The following B3GLCT variants were observed in gnomAD, a reference collection of about 807,000 sequenced individuals.
The protein encoded by B3GLCT is beta-1,3-glucosyltransferase.
A neutral mutation model predicts 63.4 loss-of-function variants in B3GLCT; 65 were observed. The observed-to-expected ratio is 1.03, with a 90% CI of 0.84 to 1.26. The LOEUF is 1.26. Among genes scored for constraint, B3GLCT ranks in the 50% most tolerant of loss-of-function variants. The pLI, the probability that B3GLCT is intolerant of heterozygous loss-of-function variation, is 0.00. For synonymous variants in B3GLCT, 233 were observed against 219.2 expected, an observed-to-expected ratio of 1.06 and a Z score of -0.55; for missense variants, 577 against 604.8, an observed-to-expected ratio of 0.95 and a Z score of 0.48.
chr13:31,227,873 C>G (rs1870178976), intron 3 of B3GLCT, among the ~76,000 whole-genome samples: 1 of 152,236 alleles, frequency 6.6e-6, no homozygotes, highest in African/African-American at 2.4e-5. Flanking sequence ...GACAATCTGG[C>G]TGAAGGCTAG....
intron 12 of B3GLCT, among the ~76,000 whole-genome samples, chr13:31,296,469 C>T (rs1873949104): frequency 6.6e-6 from 1 of 152,108 alleles, no homozygotes; most frequent in Admixed American, 6.6e-5. Context: ...GGGCATGAAT[C>T]CCATTTATGA....
Position 31,199,989 on chromosome 13 carries a change from CGCGGCGGCAGG to C in B3GLCT, c.-87_-77del. The C allele has an allele frequency of 1.4e-6, 1 of 715,558 alleles. No homozygotes were observed. The highest frequency in any genetic ancestry group is 1.9e-6 in the Non-Finnish European group (1 of 538,506). 44.3% of individuals were successfully genotyped at this position (715,558 alleles called of 1,614,324 possible). ...GGGGAGCCGGCAGAGAAGGGTCAGC[CGCGGCGGCAGG>C]GCGGCGGCGGCAGCGGCGCAGCTCC... On this transcript the variant is annotated 5_prime_UTR_variant, in exon 1 of 15. Transcript: ENST00000343307.
In B3GLCT at chr13:31,330,339, A is replaced by AT. The variant is rs1875853474; in HGVS notation, c.*673dup. The AT allele has an allele frequency of 6.6e-6, 1 of 152,094 alleles. No individual in the cohort carries two copies. The allele number at this position is 152,094 out of a possible 1,614,324, so 9.4% of individuals were successfully genotyped here. On this transcript the variant is annotated 3_prime_UTR_variant, in exon 15 of 15. Coordinates refer to ENST00000343307, the MANE Select transcript of B3GLCT (RefSeq NM_194318.4). ...ATGAGGTCTTCTGCTAGAGCTTCGT[A>AT]TTGCTTTGGAAGTTCATCTGTGTTT... is the stretch of plus-strand genomic sequence containing the variant.
chr13:31,326,677 A>T (rs930087622), intron 14 of B3GLCT, among the ~76,000 whole-genome samples: 2 of 151,884 alleles, frequency 1.3e-5, no homozygotes, highest in African/African-American at 2.4e-5. Context: ...ACCACCCCTC[A>T]TCCTGCCTGT....
intron 8 of B3GLCT, among the ~76,000 whole-genome samples, chr13:31,271,326 G>A (rs1438189157): frequency 1.3e-5 from 2 of 152,080 alleles, no homozygotes; most frequent in African/African-American, 4.8e-5. Context: ...ACTTTCTATA[G>A]TAGTCTCCCA....
chr13:31,204,979 A>T (rs1178591978), intron 1 of B3GLCT, among the ~76,000 whole-genome samples: 1 of 152,240 alleles, frequency 6.6e-6, no homozygotes, highest in Admixed American at 6.5e-5. Context: ...CATACAGTTT[A>T]TTAAGTATAA....
chr13:31,311,008 TGAGGCCCCGGCCA>T (rs1443344732), intron 12 of B3GLCT, among the ~76,000 whole-genome samples: 1 of 152,140 alleles, frequency 6.6e-6, no homozygotes, highest in East Asian at 1.9e-4. Context: ...CAGAGCTGAG[TGAGGCCCCGGCCA>T]GAGGTGCAGC....
chr13:31,297,881 AGAGATGT>A (rs1428635719), intron 12 of B3GLCT, among the ~76,000 whole-genome samples: 1 of 152,214 alleles, frequency 6.6e-6, no homozygotes, highest in East Asian at 1.9e-4. Context: ...ATACAGATGA[AGAGATGT>A]GTAGGGTGAG....
At chr13:31,299,708 T>G (rs1874131880) in intron 12 of B3GLCT, among the ~76,000 whole-genome samples, 1 of 152,262 alleles carries the variant, frequency 6.6e-6, no homozygotes, top group South Asian at 2.1e-4. Context: ...ATTTCATGGA[T>G]CCAGGTGACC....
chr13:31,284,327 GGTAAAAGAAAAATTAGTTAACATTAAT>G (rs1164617855), intron 10 of B3GLCT, among the ~76,000 whole-genome samples: 2 of 151,778 alleles, frequency 1.3e-5, no homozygotes, highest in African/African-American at 4.8e-5. Context: ...CGTGCTCCGT[GGTAAAAGAAAAATTAGTTAACATTAAT>G]GTAAACACAA....
intron 2 of B3GLCT, among the ~76,000 whole-genome samples, chr13:31,215,352 G>C (rs1288050713): frequency 6.6e-6 from 1 of 152,172 alleles, no homozygotes; most frequent in African/African-American, 2.4e-5. Flanking sequence ...TTTTGACATA[G>C]AGTTGGACAT....
chr13:31,273,626 G>A (rs1566075123), intron 8 of B3GLCT, among the ~76,000 whole-genome samples: 1 of 151,832 alleles, frequency 6.6e-6, no homozygotes, highest in African/African-American at 2.4e-5. Flanking sequence ...TTTTCTCTGA[G>A]TGATTGTTCT....
chr13:31,260,068 G>C (rs1024739949), intron 6 of B3GLCT, among the ~76,000 whole-genome samples: 6 of 152,058 alleles, frequency 3.9e-5, no homozygotes, highest in African/African-American at 1.4e-4. Context: ...ACTCACCCTG[G>C]TCAGCCTTTT....
intron 1 of B3GLCT, among the ~76,000 whole-genome samples, chr13:31,203,723 A>G (rs1868797055): frequency 6.6e-6 from 1 of 152,196 alleles, no homozygotes; most frequent in Admixed American, 6.5e-5. Context: ...TAAGAACAAT[A>G]TATGGGAGTC....
intron 1 of B3GLCT, among the ~76,000 whole-genome samples, chr13:31,212,109 AT>A (rs564316331): frequency 0.02 from 2,963 of 144,722 alleles, 86 homozygotes; most frequent in African/African-American, 0.067. Flanking sequence ...TAGATGGAAA[AT>A]TTTTTTTTTT....
At chr13:31,298,150 T>C (rs1461609709) in intron 12 of B3GLCT, among the ~76,000 whole-genome samples, 5 of 152,236 alleles carry the variant, frequency 3.3e-5, no homozygotes, top group African/African-American at 1.2e-4. Flanking sequence ...CAGTCCCATC[T>C]TGAAGCTGTC....
chr13:31,259,540 CTT>C (rs139037410), intron 6 of B3GLCT, among the ~76,000 whole-genome samples: 3 of 151,044 alleles, frequency 2.0e-5, no homozygotes, highest in Non-Finnish European at 4.4e-5. Context: ...CTGCTTGGTT[CTT>C]TTTTTCCCCC....
chr13:31,210,469 G>A (rs1487621172), intron 1 of B3GLCT, among the ~76,000 whole-genome samples: 1 of 152,158 alleles, frequency 6.6e-6, no homozygotes, highest in Non-Finnish European at 1.5e-5. Context: ...CAGGTTGGAG[G>A]GATCTTTCCC....
intron 1 of B3GLCT, among the ~76,000 whole-genome samples, chr13:31,201,857 G>C (rs2137723858): frequency 6.6e-6 from 1 of 152,324 alleles, no homozygotes; most frequent in African/African-American, 2.4e-5. Flanking sequence ...TATTAGCCTT[G>C]TGAAGTTGTC....
Sources: gnomAD v4.1 joint callset for allele counts (sites outside exome capture counted in the v4.1 genomes callset) on GRCh38, gnomAD v4.1.1 for gene constraint, MANE v1.5 for transcripts, NCBI Gene and HGNC (gene_info 2026-07-23, HGNC 2026-07-21) for gene names.